The following ST6GAL1 variants were observed in gnomAD, a reference collection of about 807,000 sequenced individuals.
ST6GAL1 encodes beta-galactoside alpha-2,6-sialyltransferase 1.
Under a neutral mutation model 38.0 loss-of-function variants are expected in ST6GAL1, and 20 were observed. That is an observed-to-expected ratio of 0.53 (90% confidence interval 0.37 to 0.77). The LOEUF (loss-of-function observed/expected upper bound fraction) is 0.77, where lower values mean the gene tolerates loss of function less well. Ranked by LOEUF, ST6GAL1 falls within the 30% of genes least tolerant of loss-of-function variation. The pLI, the probability that ST6GAL1 is intolerant of heterozygous loss-of-function variation, is 0.00. For synonymous variants in ST6GAL1, 196 were observed against 188.2 expected (o/e 1.04, Z -0.34); for missense variants, 432 against 496.4 (o/e 0.87, Z 1.23).
Position 187,034,445 on chromosome 3 carries a change from AC to A in ST6GAL1, c.-182-4296del. On this transcript the variant is annotated intron_variant, in intron 2 of 7. Transcript: ENST00000169298. ...CCTGATACCAAAACCTGGCAAAGAC[AC>A]AGTAAAAAAAGAAAACCGCAGGCCA... Among the ~76,000 whole-genome samples the A allele has an allele frequency of 2.0e-5, 3 of 152,292 alleles. No homozygotes were observed. The South Asian group carries it at 6.2e-4, about 32-fold the overall frequency.
chr3:187,007,419 C>G (rs1716819662), intron 2 of ST6GAL1, among the ~76,000 whole-genome samples: 1 of 152,182 alleles, frequency 6.6e-6, no homozygotes, highest in African/African-American at 2.4e-5. Flanking sequence ...CCCAGACAAA[C>G]TCTTGAATGG....
In ST6GAL1 at chr3:187,030,344, T is replaced by C. The variant is rs554106732; in HGVS notation, c.-182-8398T>C. 1.1e-4 allele frequency among the ~76,000 whole-genome samples: 17 copies of C among 152,328 alleles called. No individual in the cohort carries two copies. In the East Asian group the frequency reaches 3.3e-3, roughly 29 times the overall value. Reference sequence around the variant, plus strand: ...ATGTGTTAGAGGTTCAGTCTAACACTTGCTAGAGGCAACAAGTGTTAGAGG... The same window carrying C: ...ATGTGTTAGAGGTTCAGTCTAACACCTGCTAGAGGCAACAAGTGTTAGAGG... On this transcript the variant is annotated intron_variant, in intron 2 of 7. Transcript: ENST00000169298.
intron 1 of ST6GAL1, among the ~76,000 whole-genome samples, chr3:186,945,988 CAAA>C (rs71167026): frequency 5.6e-5 from 4 of 71,478 alleles, no homozygotes; most frequent in Admixed American, 1.9e-4. Context: ...AAGACTCCGT[CAAA>C]AAAAAAAAAA....
At chr3:187,006,839 T>G (rs546278743) in intron 2 of ST6GAL1, among the ~76,000 whole-genome samples, 17 of 152,328 alleles carry the variant, frequency 1.1e-4, no homozygotes, top group Admixed American at 9.1e-4. Context: ...GCTTTAAGTT[T>G]TATTCTCAAG....
intron 5 of ST6GAL1, among the ~76,000 whole-genome samples, chr3:187,067,404 T>TC: frequency 6.7e-6 from 1 of 150,168 alleles, no homozygotes; most frequent in East Asian, 1.9e-4. Flanking sequence ...CTTTTTTTTT[T>TC]TTTTTTTTTT....
intron 2 of ST6GAL1, among the ~76,000 whole-genome samples, chr3:186,979,718 C>A (rs774696284): frequency 6.6e-6 from 1 of 152,050 alleles, no homozygotes; most frequent in Non-Finnish European, 1.5e-5. Context: ...GCCACCGGGC[C>A]CCCTGCCTGT....
chr3:187,052,184 G>T (rs1056397000), intron 5 of ST6GAL1, among the ~76,000 whole-genome samples: 1 of 152,002 alleles, frequency 6.6e-6, no homozygotes, highest in Non-Finnish European at 1.5e-5. Flanking sequence ...CTCTACTAGG[G>T]CTCCACTTCC....
At chr3:187,004,890 T>G (rs1313210132) in intron 2 of ST6GAL1, among the ~76,000 whole-genome samples, 1 of 152,212 alleles carries the variant, frequency 6.6e-6, no homozygotes, top group Non-Finnish European at 1.5e-5. Context: ...CTTTCTATCT[T>G]CTATCCTTTC....
chr3:187,038,239 T>C (rs541890832), intron 2 of ST6GAL1, among the ~76,000 whole-genome samples: 1 of 147,864 alleles, frequency 6.8e-6, no homozygotes, highest in East Asian at 2.1e-4. Context: ...AGAGTCTCTC[T>C]CTGTTGCCCA....
intron 2 of ST6GAL1, among the ~76,000 whole-genome samples, chr3:186,973,718 TCTC>T (rs1179873214): frequency 1.3e-5 from 2 of 152,124 alleles, no homozygotes; most frequent in African/African-American, 4.8e-5. Context: ...ACTCTTTGCC[TCTC>T]CTCCTCTCCT....
chr3:187,009,193 T>G (rs1451237130), intron 2 of ST6GAL1, among the ~76,000 whole-genome samples: 1 of 152,016 alleles, frequency 6.6e-6, no homozygotes, highest in African/African-American at 2.4e-5. Flanking sequence ...CAATCTATAT[T>G]GTGAGCATTT....
At chr3:187,038,197 C>G (rs367918638) in intron 2 of ST6GAL1, among the ~76,000 whole-genome samples, 1 of 88,600 alleles carries the variant, frequency 1.1e-5, no homozygotes, top group Non-Finnish European at 2.1e-5. Context: ...AAGTCTATTT[C>G]TTTTTTTTTT....
At chr3:186,969,052 T>A (rs1267482749) in intron 2 of ST6GAL1, among the ~76,000 whole-genome samples, 2 of 2,066 alleles carry the variant, frequency 9.7e-4, no homozygotes, top group Non-Finnish European at 1.2e-3. Flanking sequence ...TCTCTTTTTC[T>A]TTTTTTTTTT....
chr3:187,020,100 C>G (rs888993018), intron 2 of ST6GAL1, among the ~76,000 whole-genome samples: 2 of 152,100 alleles, frequency 1.3e-5, no homozygotes, highest in African/African-American at 4.8e-5. Flanking sequence ...AATTCAAGAC[C>G]AGCCTGGCCA....
At chr3:186,960,926 C>G (rs1334369083) in intron 1 of ST6GAL1, among the ~76,000 whole-genome samples, 2 of 151,166 alleles carry the variant, frequency 1.3e-5, no homozygotes, top group Non-Finnish European at 2.9e-5. Flanking sequence ...TGTAGGCCAG[C>G]TTCCTCTCCT....
chr3:186,963,700 A>C (rs1420299631), intron 1 of ST6GAL1, 85 bp from the exon 2 acceptor site: 1 of 152,202 alleles, frequency 6.6e-6, no homozygotes, highest in Non-Finnish European at 1.5e-5. Context: ...CAGTGGGAGG[A>C]GCAAAGACTC....
At chr3:186,956,597 A>G (rs1038816904) in intron 1 of ST6GAL1, among the ~76,000 whole-genome samples, 1 of 152,180 alleles carries the variant, frequency 6.6e-6, no homozygotes, top group African/African-American at 2.4e-5. Context: ...GCTGGATACT[A>G]GAGTCAAATT....
chr3:186,950,957 T>C (rs913001354), intron 1 of ST6GAL1, among the ~76,000 whole-genome samples: 1 of 152,236 alleles, frequency 6.6e-6, no homozygotes, highest in Non-Finnish European at 1.5e-5. Flanking sequence ...TTTACAAGTA[T>C]CTCATTTAGC....
rs1424545921 is a variant in ST6GAL1, at chr3:186,977,280, G to C, written c.-183+13354G>C. 3.3e-5 allele frequency among the ~76,000 whole-genome samples: 5 copies of C among 152,170 alleles called. 1 individual carries two copies. In the South Asian group the frequency reaches 8.3e-4, roughly 25 times the overall value. ...CCATTTCTTTGCTTTTATCACCAGC[G>C]GTTTCCCTTAGCCACCACCGCTAGC... On this transcript the variant is annotated intron_variant, in intron 2 of 7. Transcript: ENST00000169298.
Sources: gnomAD v4.1 joint callset for allele counts (sites outside exome capture counted in the v4.1 genomes callset) on GRCh38, gnomAD v4.1.1 for gene constraint, MANE v1.5 for transcripts, NCBI Gene and HGNC (gene_info 2026-07-23, HGNC 2026-07-21) for gene names.